Variants in NEAT1 observed in about 807,000 individuals in gnomAD.
NEAT1 encodes the protein nuclear paraspeckle assembly transcript 1, also known as MENepsilon/beta.
exon 1 of NEAT1, chr11:65,434,476 C>T (rs1856640268): frequency 2.0e-5 from 3 of 152,064 alleles, no homozygotes; most frequent in Admixed American, 2.0e-4. Flanking sequence ...TTTCATTTAA[C>T]AGTAGGGAGA....
exon 1 of NEAT1, chr11:65,440,408 C>G (rs556481216): frequency 7.3e-5 from 11 of 150,292 alleles, no homozygotes; most frequent in African/African-American, 2.7e-4. Flanking sequence ...CTGCAGCAAG[C>G]TTTGATTGCG....
At chr11:65,445,332 G>A (rs1856756770) in exon 1 of NEAT1, 1 of 152,308 alleles carries the variant, frequency 6.6e-6, no homozygotes. Flanking sequence ...TGCCATGCTA[G>A]GAGACATGTG....
chr11:65,436,862 G>GA (rs1358388903), exon 1 of NEAT1: 8 of 151,966 alleles, frequency 5.3e-5, no homozygotes, highest in Non-Finnish European at 1.2e-4. Context: ...TGAGAGAAAA[G>GA]TTTCCTCAGG....
exon 1 of NEAT1, chr11:65,443,331 G>A (rs568453270): frequency 9.8e-5 from 15 of 152,354 alleles, no homozygotes; most frequent in African/African-American, 3.6e-4. Flanking sequence ...TGACAGTGCA[G>A]ACCTAAAGGT....
chr11:65,424,229 T>A (rs1313317284), exon 1 of NEAT1: 1 of 152,320 alleles, frequency 6.6e-6, no homozygotes, highest in East Asian at 1.9e-4. Flanking sequence ...AGCAGATGCA[T>A]CCGGCTCGAG....
chr11:65,424,817 G>A (rs1280816940), exon 1 of NEAT1: 4 of 152,128 alleles, frequency 2.6e-5, no homozygotes, highest in Non-Finnish European at 5.9e-5. Flanking sequence ...ACTTTACTTC[G>A]TTAGATTTCA....
At chr11:65,429,475 AT>A (rs1423178464) in exon 1 of NEAT1, 1 of 140,958 alleles carries the variant, frequency 7.1e-6, no homozygotes, top group Non-Finnish European at 1.6e-5. Context: ...TCAATTGGCC[AT>A]TTGTGGTGTG....
exon 1 of NEAT1, chr11:65,428,427 G>A (rs1856582971): frequency 6.6e-6 from 1 of 152,054 alleles, no homozygotes. Context: ...GAGATTCCAA[G>A]GACCCTTAAT....
chr11:65,427,788 TG>T (rs1179697850), exon 1 of NEAT1: 1 of 152,218 alleles, frequency 6.6e-6, no homozygotes, highest in Non-Finnish European at 1.5e-5. Flanking sequence ...TTTCTCGTCC[TG>T]TTTTTTATGA....
At chr11:65,432,146 A>G (rs939922683) in exon 1 of NEAT1, 8 of 152,182 alleles carry the variant, frequency 5.3e-5, no homozygotes, top group Non-Finnish European at 1.0e-4. Flanking sequence ...GTGTCTTTTT[A>G]GTATAATGAT....
At chr11:65,439,770 G>C (rs896118106) in exon 1 of NEAT1, 9 of 152,104 alleles carry the variant, frequency 5.9e-5, no homozygotes, top group Non-Finnish European at 8.8e-5. Flanking sequence ...AATGATTAAG[G>C]TCTTGGGGGG....
chr11:65,427,678 C>T (rs1354245630), exon 1 of NEAT1: 5 of 152,070 alleles, frequency 3.3e-5, no homozygotes, highest in Non-Finnish European at 7.4e-5. Context: ...CCCTGGATGC[C>T]CCAGAAACAA....
exon 1 of NEAT1, chr11:65,438,196 C>G (rs915776951): frequency 3.9e-5 from 6 of 152,132 alleles, no homozygotes; most frequent in Non-Finnish European, 7.3e-5. Flanking sequence ...GGACATAAGC[C>G]CCCTGGCAGC....
exon 1 of NEAT1, chr11:65,427,867 T>G (rs947625003): frequency 6.6e-6 from 1 of 152,192 alleles, no homozygotes; most frequent in African/African-American, 2.4e-5. Flanking sequence ...TGGTGCTGTC[T>G]CCAGCAACTG....
chr11:65,439,346 A>G (rs1011753134), exon 1 of NEAT1: 2 of 152,156 alleles, frequency 1.3e-5, no homozygotes, highest in Non-Finnish European at 1.5e-5. Context: ...TTTTCACTTT[A>G]TCGATAATGT....
chr11:65,430,415 C>T (rs1051434301), exon 1 of NEAT1: 1 of 152,228 alleles, frequency 6.6e-6, no homozygotes, highest in Non-Finnish European at 1.5e-5. Flanking sequence ...CGGCAGAGTT[C>T]ACAAACACAT....
At chr11:65,429,226 G>A (rs1425597333) in exon 1 of NEAT1, 2 of 152,004 alleles carry the variant, frequency 1.3e-5, no homozygotes, top group Non-Finnish European at 2.9e-5. Flanking sequence ...CATACATTTC[G>A]AGAAGGAAAT....
exon 1 of NEAT1, chr11:65,432,330 C>T (rs1167967029): frequency 1.3e-5 from 2 of 152,130 alleles, no homozygotes; most frequent in Non-Finnish European, 2.9e-5. Flanking sequence ...TTGGGAAGGC[C>T]ACATTTGCCA....
At chr11:65,439,331 T>C (rs536213807) in exon 1 of NEAT1, 15 of 152,276 alleles carry the variant, frequency 9.9e-5, no homozygotes, top group African/African-American at 2.6e-4. Flanking sequence ...ATTCTGTGGG[T>C]TGTGTTTTCA....
Sources: allele counts gnomAD v4.1 joint callset, GRCh38; gene constraint gnomAD v4.1.1; transcripts MANE v1.5; gene names NCBI Gene and HGNC (gene_info 2026-07-23, HGNC 2026-07-21).